The following ARHGAP18 variants were observed in gnomAD, a reference collection of about 807,000 sequenced individuals.
ARHGAP18 encodes Rho GTPase activating protein 18, also known as rho GTPase-activating protein 18.
A neutral mutation model predicts 86.2 loss-of-function variants in ARHGAP18; 67 were observed. The ratio of observed to expected loss-of-function variants is 0.78; its 90% CI spans 0.64 to 0.95. The LOEUF (loss-of-function observed/expected upper bound fraction) is 0.95, where lower values mean the gene tolerates loss of function less well. Among genes scored for constraint, ARHGAP18 ranks in the 40% least tolerant of loss-of-function variants. The probability of loss-of-function intolerance (pLI) is 0.00; values close to 1 mark genes in which losing one functional copy is unlikely to be tolerated. For synonymous variants in ARHGAP18, 283 were observed against 280.4 expected (o/e 1.01, Z -0.09); for missense variants, 691 against 780.4 (o/e 0.89, Z 1.37).
intron 8 of ARHGAP18, among the ~76,000 whole-genome samples, chr6:129,609,322 G>T (rs1788929876): frequency 6.6e-6 from 1 of 152,156 alleles, no homozygotes; most frequent in African/African-American, 2.4e-5. Context: ...ACAACAGGCT[G>T]GGTTGAAGAG....
chr6:129,645,870 T>A (rs1374737400), intron 1 of ARHGAP18, among the ~76,000 whole-genome samples: 1 of 152,214 alleles, frequency 6.6e-6, no homozygotes, highest in Non-Finnish European at 1.5e-5. Flanking sequence ...CTCCATGCTC[T>A]GTTTACAAAA....
chr6:129,610,892 G>GT (rs899835580), intron 8 of ARHGAP18, among the ~76,000 whole-genome samples: 15 of 152,098 alleles, frequency 9.9e-5, no homozygotes, highest in Non-Finnish European at 1.9e-4. Flanking sequence ...CTCCCAAAGT[G>GT]TTTTTTCTTT....
chr6:129,594,327 C>T (rs1788574114), intron 12 of ARHGAP18, among the ~76,000 whole-genome samples: 1 of 152,202 alleles, frequency 6.6e-6, no homozygotes, highest in African/African-American at 2.4e-5. Flanking sequence ...TTTTTACTTA[C>T]TTTACTCTTC....
At chr6:129,613,033 A>T (rs1248569024) in intron 7 of ARHGAP18, among the ~76,000 whole-genome samples, 1 of 152,082 alleles carries the variant, frequency 6.6e-6, no homozygotes, top group African/African-American at 2.4e-5. Flanking sequence ...GGAGATCGAG[A>T]CCATCCTTGT....
intron 5 of ARHGAP18, among the ~76,000 whole-genome samples, chr6:129,622,934 G>A (rs1035969856): frequency 6.8e-6 from 1 of 147,442 alleles, no homozygotes; most frequent in Non-Finnish European, 1.5e-5. Flanking sequence ...CCAGGAGGTG[G>A]ATGTTGCAGT....
chr6:129,666,779 C>G (rs1049742359), intron 1 of ARHGAP18, among the ~76,000 whole-genome samples: 3 of 152,140 alleles, frequency 2.0e-5, no homozygotes, highest in Non-Finnish European at 4.4e-5. Flanking sequence ...TTGTAAATAC[C>G]ACATCCTGGT....
chr6:129,672,246 T>G (rs1424053415), intron 1 of ARHGAP18, among the ~76,000 whole-genome samples: 1 of 152,190 alleles, frequency 6.6e-6, no homozygotes, highest in Non-Finnish European at 1.5e-5. Context: ...TGTGCCAACC[T>G]TACTCTCCAC....
intron 1 of ARHGAP18, among the ~76,000 whole-genome samples, chr6:129,654,197 C>T (rs1468765263): frequency 6.6e-6 from 1 of 152,078 alleles, no homozygotes; most frequent in Non-Finnish European, 1.5e-5. Context: ...ATTGTGGGAA[C>T]CTGAAAAAGG....
At chr6:129,601,491 A>C (rs899318217) in intron 10 of ARHGAP18, among the ~76,000 whole-genome samples, 7 of 151,680 alleles carry the variant, frequency 4.6e-5, no homozygotes, top group Non-Finnish European at 8.8e-5. Flanking sequence ...AGAGAAGAGA[A>C]GAGAGAAAAG....
rs367562166 is a variant in ARHGAP18, at chr6:129,684,204, G to A, written c.113+25820C>T. Among the ~76,000 whole-genome samples the A allele has an allele frequency of 7.0e-4, 106 of 152,360 alleles. 5 individuals are homozygous for A. In the South Asian group the frequency reaches 0.022, roughly 31 times the overall value. ...GGAAGTAGGAGAGGAAATGATGCAT[G>A]CGATAGCTAAGAAACACTATAAATG... On this transcript the variant is annotated intron_variant, in intron 1 of 14. Coordinates refer to ENST00000368149, the MANE Select transcript of ARHGAP18 (RefSeq NM_033515.3).
At chr6:129,584,142 G>C (rs564074760) in intron 12 of ARHGAP18, 30 bp from the exon 13 acceptor site, 2 of 1,612,286 alleles carry the variant, frequency 1.2e-6, no homozygotes, top group African/African-American at 2.7e-5. Context: ...CTGGAACAAA[G>C]CTGGCAGCAG....
intron 13 of ARHGAP18, 129 bp from the exon 14 acceptor site, chr6:129,580,260 C>T (rs759026646): frequency 8.5e-5 from 61 of 717,012 alleles, no homozygotes; most frequent in Middle Eastern, 2.4e-4. Context: ...ATTATCTACA[C>T]GTTTGTATTT....
At chr6:129,673,795 T>C (rs145759476) in intron 1 of ARHGAP18, among the ~76,000 whole-genome samples, 2,282 of 152,320 alleles carry the variant, frequency 0.015, 69 homozygotes, top group African/African-American at 0.051. Flanking sequence ...GATATTTCTA[T>C]TCTTTTAGGT....
chr6:129,641,205 C>A (rs966799771), intron 2 of ARHGAP18, among the ~76,000 whole-genome samples: 1 of 152,096 alleles, frequency 6.6e-6, no homozygotes, highest in Non-Finnish European at 1.5e-5. Context: ...TCTTTGAAAA[C>A]CACCCACAAA....
intron 1 of ARHGAP18, among the ~76,000 whole-genome samples, chr6:129,659,080 A>G (rs1167525177): frequency 1.3e-5 from 2 of 152,228 alleles, no homozygotes; most frequent in Non-Finnish European, 2.9e-5. Context: ...TGTAATAAAT[A>G]TGGCAATTAT....
chr6:129,584,792 A>C (rs1358843896), intron 12 of ARHGAP18, among the ~76,000 whole-genome samples: 1 of 152,204 alleles, frequency 6.6e-6, no homozygotes, highest in African/African-American at 2.4e-5. Flanking sequence ...GGTTTTGCTA[A>C]AATAAATACT....
rs371304450 is a variant in ARHGAP18 at position 129,674,398 on chromosome 6, A to T, written c.114-32380T>A. 7.2e-3 allele frequency among the ~76,000 whole-genome samples: 1,091 copies of T among 152,338 alleles called. 11 individuals carry two copies. The highest frequency in any genetic ancestry group is 0.025 in the African/African-American group (1,057 of 41,580). On this transcript the variant is annotated intron_variant, in intron 1 of 14. Coordinates refer to ENST00000368149, the MANE Select transcript of ARHGAP18 (RefSeq NM_033515.3). ...AAATTCTATGGTTCTAGGACACTAC[A>T]AAAAATGTACTGAATTATTTTTCTG... is the stretch of plus-strand genomic sequence containing the variant.
chr6:129,671,689 C>T (rs1048448865), intron 1 of ARHGAP18, among the ~76,000 whole-genome samples: 1 of 152,070 alleles, frequency 6.6e-6, no homozygotes, highest in African/African-American at 2.4e-5. Flanking sequence ...CCTGGGTAAA[C>T]AGAGTAAGAC....
chr6:129,683,957 A>G (rs757703565), intron 1 of ARHGAP18, among the ~76,000 whole-genome samples: 2 of 152,256 alleles, frequency 1.3e-5, no homozygotes, highest in Non-Finnish European at 2.9e-5. Context: ...AAGGAGCTCA[A>G]AGCCAAGAAA....
Sources: allele counts gnomAD v4.1 joint callset (sites outside exome capture counted in the v4.1 genomes callset), GRCh38; gene constraint gnomAD v4.1.1; transcripts MANE v1.5; gene names NCBI Gene and HGNC (gene_info 2026-07-23, HGNC 2026-07-21).